Variants in PEX5L observed in about 807,000 individuals in gnomAD.
PEX5L encodes the protein PEX5-related protein.
Under a neutral mutation model 84.0 loss-of-function variants are expected in PEX5L, and 30 were observed. The ratio of observed to expected loss-of-function variants is 0.36; its 90% CI spans 0.27 to 0.48. The LOEUF is 0.48. PEX5L is among the 20% of genes least tolerant of loss of function. The pLI, the probability that PEX5L is intolerant of heterozygous loss-of-function variation, is 0.99. For missense variants in PEX5L, 533 were observed against 754.6 expected (o/e 0.71, Z 3.44); for synonymous variants, 270 against 283.1 (o/e 0.95, Z 0.46).
At position 179,801,866 on chromosome 3, in the gene PEX5L, G is replaced by A. The variant is rs561733710; in HGVS notation, c.1843C>T (p.Leu615=). ...ELFQAANLGD[L]DVLLRAFNLD... is the part of the protein sequence containing the mutation. ...TTGAAAGCTCTTAAGAGGACATCCA[G>A]GTCACCAAGATTAGCCGCCTGGAAG... Residue 615 remains leucine (L), a synonymous_variant, in exon 15 of 15, where the codon CTG becomes TTG. Coordinates refer to ENST00000467460, the MANE Select transcript of PEX5L (RefSeq NM_016559.3). The A allele has an allele frequency of 6.2e-7, 1 of 1,613,898 alleles. No individual in the cohort carries two copies. The highest frequency in any genetic ancestry group is 1.3e-5 in the African/African-American group (1 of 75,012).
intron 8 of PEX5L, among the ~76,000 whole-genome samples, chr3:179,843,629 C>G (rs570141240): frequency 9.5e-4 from 145 of 152,264 alleles, no homozygotes; most frequent in Non-Finnish European, 1.7e-3. Flanking sequence ...TGGAAATTGT[C>G]AATGAAAAAT....
chr3:179,999,174 T>C (rs143408142), intron 1 of PEX5L, among the ~76,000 whole-genome samples: 151 of 152,276 alleles, frequency 9.9e-4, no homozygotes, highest in African/African-American at 3.6e-3. Flanking sequence ...ATTGGAAAAT[T>C]GGTGACAAAG....
intron 2 of PEX5L, among the ~76,000 whole-genome samples, chr3:179,927,285 T>C (rs1156370036): frequency 6.6e-6 from 1 of 151,906 alleles, no homozygotes; most frequent in Non-Finnish European, 1.5e-5. Flanking sequence ...AAGTGTAGGC[T>C]CTCAGGGTAA....
intron 5 of PEX5L, among the ~76,000 whole-genome samples, chr3:179,879,115 CCA>C (rs1753361858): frequency 6.6e-6 from 1 of 152,160 alleles, no homozygotes; most frequent in African/African-American, 2.4e-5. Context: ...ATTCACCTCC[CCA>C]CACATATACA....
chr3:179,857,572 A>G (rs762111987), intron 8 of PEX5L, among the ~76,000 whole-genome samples: 1 of 152,216 alleles, frequency 6.6e-6, no homozygotes, highest in Non-Finnish European at 1.5e-5. Flanking sequence ...TTGTGAATAT[A>G]TGTATCTTGA....
At chr3:179,859,350 C>A (rs1315184671) in intron 7 of PEX5L, among the ~76,000 whole-genome samples, 193 bp from the exon 8 acceptor site, 1 of 152,178 alleles carries the variant, frequency 6.6e-6, no homozygotes, top group African/African-American at 2.4e-5. Context: ...TGTGAGCATG[C>A]ATGCGTGATT....
intron 4 of PEX5L, among the ~76,000 whole-genome samples, chr3:179,887,041 G>A (rs755112551): frequency 4.6e-5 from 7 of 152,174 alleles, no homozygotes; most frequent in African/African-American, 1.4e-4. Flanking sequence ...TTATGCCAGT[G>A]GCATCCTGTA....
intron 8 of PEX5L, among the ~76,000 whole-genome samples, chr3:179,858,655 T>A (rs899926076): frequency 6.6e-6 from 1 of 152,198 alleles, no homozygotes; most frequent in Non-Finnish European, 1.5e-5. Context: ...CAGCAAGATC[T>A]TCTGTTTCAG....
intron 1 of PEX5L, among the ~76,000 whole-genome samples, chr3:179,996,246 T>C (rs1300424662): frequency 5.3e-5 from 8 of 152,194 alleles, no homozygotes; most frequent in African/African-American, 1.9e-4. Context: ...TTGAGTTTTC[T>C]AATTTATATA....
At chr3:179,988,064 T>G (rs993879689) in intron 1 of PEX5L, among the ~76,000 whole-genome samples, 2 of 152,146 alleles carry the variant, frequency 1.3e-5, no homozygotes, top group Admixed American at 1.3e-4. Context: ...TGATTTCATT[T>G]TTTAGCTATT....
chr3:179,961,858 G>T (rs1782129190), intron 2 of PEX5L, among the ~76,000 whole-genome samples: 1 of 152,100 alleles, frequency 6.6e-6, no homozygotes, highest in Non-Finnish European at 1.5e-5. Context: ...AAAACGGATG[G>T]GCCTGAAAGC....
chr3:179,841,371 T>C (rs1220621493), intron 8 of PEX5L, among the ~76,000 whole-genome samples: 1 of 152,186 alleles, frequency 6.6e-6, no homozygotes, highest in Non-Finnish European at 1.5e-5. Flanking sequence ...TGCCTGTTTT[T>C]CCCTCAAGTA....
intron 2 of PEX5L, among the ~76,000 whole-genome samples, chr3:179,908,983 T>G (rs1378804764): frequency 6.6e-6 from 1 of 152,192 alleles, no homozygotes; most frequent in Non-Finnish European, 1.5e-5. Flanking sequence ...CCTTCCATAA[T>G]GCCCAGCACA....
chr3:179,871,801 G>A (rs1223462022), intron 7 of PEX5L, among the ~76,000 whole-genome samples: 1 of 152,164 alleles, frequency 6.6e-6, no homozygotes, highest in Admixed American at 6.5e-5. Context: ...GAGTCTTTCT[G>A]AGCCTACTCT....
At chr3:179,864,911 A>T (rs1414035221) in intron 7 of PEX5L, among the ~76,000 whole-genome samples, 1 of 152,192 alleles carries the variant, frequency 6.6e-6, no homozygotes, top group African/African-American at 2.4e-5. Context: ...GAAAGCACTA[A>T]TATTTTTTTC....
chr3:180,026,356 A>G (rs776432806), intron 1 of PEX5L, among the ~76,000 whole-genome samples: 1 of 152,134 alleles, frequency 6.6e-6, no homozygotes, highest in Non-Finnish European at 1.5e-5. Flanking sequence ...AAAGGGTTAT[A>G]TAAGAGACTG....
At chr3:180,013,144 G>C (rs1376839274) in intron 1 of PEX5L, among the ~76,000 whole-genome samples, 3 of 152,130 alleles carry the variant, frequency 2.0e-5, no homozygotes, top group Non-Finnish European at 4.4e-5. Context: ...AACTGAACAT[G>C]CACAGATTAT....
chr3:179,806,701 A>T (rs1167808028), intron 14 of PEX5L, among the ~76,000 whole-genome samples: 1 of 152,264 alleles, frequency 6.6e-6, no homozygotes, highest in Non-Finnish European at 1.5e-5. Flanking sequence ...GGCATTGAGC[A>T]TCTGCTCTGT....
intron 8 of PEX5L, among the ~76,000 whole-genome samples, chr3:179,850,870 G>A (rs1018462774): frequency 1.3e-5 from 2 of 152,162 alleles, no homozygotes; most frequent in African/African-American, 4.8e-5. Context: ...AATTTGAGGA[G>A]GTGCTAGAGA....
Sources: gnomAD v4.1 joint callset for allele counts (sites outside exome capture counted in the v4.1 genomes callset) on GRCh38, gnomAD v4.1.1 for gene constraint, MANE v1.5 for transcripts, NCBI Gene and HGNC (gene_info 2026-07-23, HGNC 2026-07-21) for gene names.